Variants in DLGAP2 observed in about 807,000 individuals in gnomAD.
DLGAP2 encodes disks large-associated protein 2.
A neutral mutation model predicts 100.3 loss-of-function variants in DLGAP2; 26 were observed. That is an observed-to-expected ratio of 0.26 (90% confidence interval 0.19 to 0.36). The LOEUF (loss-of-function observed/expected upper bound fraction) is 0.36, where lower values mean the gene tolerates loss of function less well. Among genes scored for constraint, DLGAP2 ranks in the 10% least tolerant of loss-of-function variants. DLGAP2 has a pLI of 1.00. For synonymous variants in DLGAP2, 886 were observed against 630.1 expected, an observed-to-expected ratio of 1.41 and a Z score of -6.08; for missense variants, 1,858 against 1,453.2, an observed-to-expected ratio of 1.28 and a Z score of -4.53.
At chr8:1,101,191 C>T (rs1241605736) in intron 2 of DLGAP2, among the ~76,000 whole-genome samples, 1 of 152,184 alleles carries the variant, frequency 6.6e-6, no homozygotes, top group African/African-American at 2.4e-5. Context: ...TCTGAGTGTG[C>T]AGCCTGGGGG....
At chr8:756,936 C>G (rs766705187) in intron 1 of DLGAP2, among the ~76,000 whole-genome samples, 1 of 152,202 alleles carries the variant, frequency 6.6e-6, no homozygotes, top group African/African-American at 2.4e-5. Flanking sequence ...TTTCCCCTTT[C>G]TGGCTCTCGA....
chr8:1,097,610 A>T (rs1470261979), intron 2 of DLGAP2, among the ~76,000 whole-genome samples: 2 of 136,872 alleles, frequency 1.5e-5, no homozygotes, highest in Non-Finnish European at 3.1e-5. Flanking sequence ...GGTCCCCTCC[A>T]GTGTGAGACC....
chr8:1,202,272 G>A (rs1042709129), intron 2 of DLGAP2, among the ~76,000 whole-genome samples: 2 of 129,494 alleles, frequency 1.5e-5, no homozygotes, highest in Non-Finnish European at 3.2e-5. Flanking sequence ...GTGTGTGTGT[G>A]TCTGTGGTGC....
Position 1,241,203 on chromosome 8 carries a change from C to CGTGTCT in DLGAP2, c.74-17648_74-17647insGTGTCT, listed in dbSNP as rs1387513334. 5.9e-5 allele frequency among the ~76,000 whole-genome samples: 3 copies of CGTGTCT among 51,220 alleles called. 1 individual carries two copies. Among genetic ancestry groups the CGTGTCT allele is most frequent in the South Asian group, 5.0e-4 (1 of 2,000 alleles). The allele number at this position is 51,220 out of a possible 152,430, so 33.6% of individuals were successfully genotyped here. ...CGTGTCTCGTTCTCTCACATGGAGC[C>CGTGTCT]ATGTCTAATTCTCTCACATGGCGCC... On this transcript the variant is annotated intron_variant, in intron 2 of 14. Coordinates refer to ENST00000637795, the MANE Select transcript of DLGAP2 (RefSeq NM_001346810.2).
intron 1 of DLGAP2, among the ~76,000 whole-genome samples, chr8:824,335 C>G (rs908022738): frequency 7.2e-5 from 11 of 152,140 alleles, no homozygotes; most frequent in Non-Finnish European, 1.6e-4. Context: ...CTCGGCGTCC[C>G]ACAGTGCTGG....
At chr8:788,250 A>C (rs576429775) in intron 1 of DLGAP2, among the ~76,000 whole-genome samples, 26 of 152,350 alleles carry the variant, frequency 1.7e-4, no homozygotes, top group South Asian at 4.1e-4. Flanking sequence ...TTCTGTAGCC[A>C]AATGGCTGTT....
At chr8:1,516,743 G>A (rs1800407032) in intron 4 of DLGAP2, among the ~76,000 whole-genome samples, 1 of 152,062 alleles carries the variant, frequency 6.6e-6, no homozygotes, top group African/African-American at 2.4e-5. Context: ...GAGAAAATGA[G>A]TGGGTGACTG....
chr8:885,775 T>A (rs1280316714), intron 1 of DLGAP2, among the ~76,000 whole-genome samples: 1 of 152,214 alleles, frequency 6.6e-6, no homozygotes, highest in South Asian at 2.1e-4. Flanking sequence ...AAATAGCTCA[T>A]TATTTTGAGA....
At chr8:1,261,893 A>G (rs900540309) in intron 3 of DLGAP2, among the ~76,000 whole-genome samples, 7 of 152,224 alleles carry the variant, frequency 4.6e-5, no homozygotes, top group Non-Finnish European at 8.8e-5. Flanking sequence ...GTCATGGCAC[A>G]GAAATGACCA....
chr8:1,296,405 CA>C (rs764436854), intron 3 of DLGAP2, among the ~76,000 whole-genome samples: 1 of 152,152 alleles, frequency 6.6e-6, no homozygotes, highest in Non-Finnish European at 1.5e-5. Context: ...CTTCCAAAAA[CA>C]AAATATGTCA....
chr8:1,062,200 C>T (rs1803104897), intron 2 of DLGAP2, among the ~76,000 whole-genome samples: 1 of 152,166 alleles, frequency 6.6e-6, no homozygotes. Flanking sequence ...CCCCCACATC[C>T]ACATGGAGTC....
chr8:1,020,730 A>G (rs1289980421), intron 2 of DLGAP2, among the ~76,000 whole-genome samples: 2 of 152,232 alleles, frequency 1.3e-5, no homozygotes, highest in East Asian at 1.9e-4. Flanking sequence ...AAGAGTAGCC[A>G]TCTGTGTGTC....
intron 3 of DLGAP2, among the ~76,000 whole-genome samples, chr8:1,482,303 G>A (rs1051904917): frequency 6.6e-6 from 1 of 152,214 alleles, no homozygotes; most frequent in Non-Finnish European, 1.5e-5. Flanking sequence ...GGGCAGGACA[G>A]CACCGTGGTC....
rs1264884397 is a variant in DLGAP2, at chr8:1,701,192, A to G, written c.2954A>G (p.Glu985Gly). 4 of 1,559,052 alleles carry G rather than the reference A, an allele frequency of 2.6e-6. No homozygotes were observed. Among genetic ancestry groups the G allele is most frequent in the South Asian group, 1.2e-5 (1 of 84,236 alleles). The part of the protein sequence containing the change: ...KMMESPERKE[E>G]RKVPPPIPKK... ...GTGACTTGCGCTGCTTTTCAGGAAG[A>G]AAGAAAGGTCCCGCCTCCAATACCA... The change falls in exon 15 of 15, where the codon GAA becomes GGA. Residue 985 changes from glutamate to glycine, a missense_variant. By Grantham distance (98) the Glu-to-Gly change is moderately conservative. Coordinates refer to ENST00000637795, the MANE Select transcript of DLGAP2 (RefSeq NM_001346810.2).
chr8:1,623,876 A>C (rs905699629), intron 6 of DLGAP2, among the ~76,000 whole-genome samples: 1 of 152,256 alleles, frequency 6.6e-6, no homozygotes, highest in African/African-American at 2.4e-5. Context: ...GTTTTAAAAA[A>C]AATTATTAGC....
chr8:1,266,360 A>G (rs1799451087), intron 3 of DLGAP2, among the ~76,000 whole-genome samples: 2 of 152,150 alleles, frequency 1.3e-5, no homozygotes. Context: ...CACCTGGGTG[A>G]TACTCTGTCT....
At chr8:1,299,120 T>C (rs1800266842) in intron 3 of DLGAP2, among the ~76,000 whole-genome samples, 1 of 152,178 alleles carries the variant, frequency 6.6e-6, no homozygotes, top group African/African-American at 2.4e-5. Context: ...ATGTGTATGG[T>C]ACAAAGAAGC....
chr8:744,085 C>T (rs756927105), intron 1 of DLGAP2, among the ~76,000 whole-genome samples: 1 of 152,200 alleles, frequency 6.6e-6, no homozygotes, highest in Non-Finnish European at 1.5e-5. Context: ...TTCTGGTGGC[C>T]GTGGCAGTCT....
At chr8:1,078,696 A>G (rs895589516) in intron 2 of DLGAP2, among the ~76,000 whole-genome samples, 1 of 152,154 alleles carries the variant, frequency 6.6e-6, no homozygotes, top group Non-Finnish European at 1.5e-5. Context: ...TCACTTAGTG[A>G]TATGCATTTA....
Sources: gnomAD v4.1 joint callset for allele counts (sites outside exome capture counted in the v4.1 genomes callset) on GRCh38, gnomAD v4.1.1 for gene constraint, MANE v1.5 for transcripts, NCBI Gene and HGNC (gene_info 2026-07-23, HGNC 2026-07-21) for gene names.